The following FARS2 variants were observed in gnomAD, a reference collection of about 807,000 sequenced individuals.
The protein encoded by FARS2 is phenylalanyl-tRNA synthetase 2, mitochondrial.
A neutral mutation model predicts 46.4 loss-of-function variants in FARS2; 40 were observed. The ratio of observed to expected loss-of-function variants is 0.86; its 90% CI spans 0.67 to 1.12. The LOEUF is 1.12. Among genes scored for constraint, FARS2 ranks in the 50% most tolerant of loss-of-function variants. FARS2 has a pLI of 0.00. For missense variants in FARS2, 513 were observed against 567.9 expected, an observed-to-expected ratio of 0.90 and a Z score of 0.98; for synonymous variants, 234 against 214.9, an observed-to-expected ratio of 1.09 and a Z score of -0.78.
At chr6:5,683,852 T>C (rs1476644370) in intron 6 of FARS2, among the ~76,000 whole-genome samples, 1 of 152,180 alleles carries the variant, frequency 6.6e-6, no homozygotes, top group Non-Finnish European at 1.5e-5. Flanking sequence ...TTCCCACTTA[T>C]GAGTGAGAAC....
chr6:5,449,596 T>C lies in FARS2; in HGVS notation c.904+18424T>C, dbSNP rs570190335. On this transcript the variant is annotated intron_variant, in intron 4 of 6. Transcript: ENST00000274680. ...ACTTATTCATTCATTGTTCATGCAT[T>C]CATTCATTTCAATATTTGCTGAATA... 1.3e-3 allele frequency among the ~76,000 whole-genome samples: 200 copies of C among 152,306 alleles called. 2 individuals are homozygous for C. Among genetic ancestry groups the C allele is most frequent in the Non-Finnish European group, 2.5e-4 (17 of 68,036 alleles).
At chr6:5,741,976 C>T (rs1761373584) in intron 6 of FARS2, among the ~76,000 whole-genome samples, 1 of 152,198 alleles carries the variant, frequency 6.6e-6, no homozygotes, top group Admixed American at 6.5e-5. Context: ...GTTATCAGGG[C>T]CTCTGTGTCA....
At chr6:5,505,217 C>T (rs573463879) in intron 4 of FARS2, among the ~76,000 whole-genome samples, 72 of 152,194 alleles carry the variant, frequency 4.7e-4, no homozygotes, top group African/African-American at 1.4e-3. Context: ...GAATTCAAAA[C>T]GCTGAGATTA....
chr6:5,732,341 C>A (rs1399672742), intron 6 of FARS2, among the ~76,000 whole-genome samples: 3 of 152,012 alleles, frequency 2.0e-5, no homozygotes, highest in Admixed American at 6.6e-5. Context: ...GTGTGTTCAG[C>A]CTCCTAGGGA....
At chr6:5,352,525 C>T (rs574139860) in intron 1 of FARS2, among the ~76,000 whole-genome samples, 17 of 151,774 alleles carry the variant, frequency 1.1e-4, no homozygotes, top group East Asian at 5.8e-4. Context: ...GAAGGGAGAA[C>T]GGAAGGCCTG....
At chr6:5,310,836 G>A (rs749514386) in intron 1 of FARS2, among the ~76,000 whole-genome samples, 1 of 152,228 alleles carries the variant, frequency 6.6e-6, no homozygotes, top group Admixed American at 6.5e-5. Context: ...ATAGAGAAAT[G>A]TAAGGGGTCA....
intron 2 of FARS2, among the ~76,000 whole-genome samples, chr6:5,376,821 T>C (rs1759412015): frequency 1.3e-5 from 2 of 152,204 alleles, no homozygotes; most frequent in African/African-American, 4.8e-5. Context: ...TATTTCTCTT[T>C]TTATGCACAC....
At chr6:5,638,519 C>T (rs555675675) in intron 6 of FARS2, among the ~76,000 whole-genome samples, 43 of 152,336 alleles carry the variant, frequency 2.8e-4, no homozygotes, top group African/African-American at 9.9e-4. Flanking sequence ...GAGCCAAGAT[C>T]GTGCCACTGC....
At chr6:5,512,929 T>C (rs1241002527) in intron 4 of FARS2, among the ~76,000 whole-genome samples, 2 of 152,144 alleles carry the variant, frequency 1.3e-5, no homozygotes, top group Non-Finnish European at 2.9e-5. Context: ...TAGACTGATG[T>C]CCAGTCATCA....
At chr6:5,540,727 A>T (rs1038547249) in intron 4 of FARS2, among the ~76,000 whole-genome samples, 1 of 152,208 alleles carries the variant, frequency 6.6e-6, no homozygotes, top group South Asian at 2.1e-4. Flanking sequence ...TGTAAATGTG[A>T]TAGTTGCTAA....
rs552162993 is a variant in FARS2 at position 5,261,558 on chromosome 6, T to A, written c.-124T>A. 2 of 152,520 alleles carry A rather than the reference T, an allele frequency of 1.3e-5. No individual in the cohort carries two copies. The highest frequency in any genetic ancestry group is 3.9e-4 in the East Asian group (2 of 5,176). 9.4% of individuals were successfully genotyped at this position (152,520 alleles called of 1,614,324 possible). A position where few individuals can be genotyped will look rare whatever the true frequency, so the allele number is the denominator to read the frequency against. ...TGGCAGCGCCCAGCGTGCGCGGGTATCTCTGAAGTTGGGGTTTAAGATTCT... is the reference window on the plus strand; with the variant it reads ...TGGCAGCGCCCAGCGTGCGCGGGTAACTCTGAAGTTGGGGTTTAAGATTCT... On this transcript the variant is annotated 5_prime_UTR_variant, in exon 1 of 7. The change creates a premature stop within an existing upstream ORF in the 5' untranslated region. Transcript: ENST00000274680.
At chr6:5,748,222 A>G (rs948313507) in intron 6 of FARS2, among the ~76,000 whole-genome samples, 6 of 151,696 alleles carry the variant, frequency 4.0e-5, no homozygotes, top group Admixed American at 2.6e-4. Context: ...ACCCTTTCCC[A>G]CTGGTACCTG....
In FARS2 at chr6:5,590,487, G is replaced by A. The variant is rs190679306; in HGVS notation, c.1066-22682G>A. 2.2e-4 allele frequency among the ~76,000 whole-genome samples: 33 copies of A among 152,338 alleles called. 1 individual carries two copies. Among genetic ancestry groups the A allele is most frequent in the Admixed American group, 1.6e-3 (25 of 15,304 alleles). On this transcript the variant is annotated intron_variant, in intron 5 of 6. Coordinates refer to ENST00000274680, the MANE Select transcript of FARS2 (RefSeq NM_006567.5). ...GGTGTCGTCTAGCACAGAGGTGTTC[G>A]TTGTTTGATGAGGGACAGGCTGGGA...
intron 4 of FARS2, among the ~76,000 whole-genome samples, chr6:5,470,138 G>T (rs1765731387): frequency 6.6e-6 from 1 of 152,136 alleles, no homozygotes; most frequent in African/African-American, 2.4e-5. Flanking sequence ...TGATAAAGAA[G>T]CAGAATTTCT....
chr6:5,649,877 T>G (rs1777260120), intron 6 of FARS2, among the ~76,000 whole-genome samples: 1 of 152,206 alleles, frequency 6.6e-6, no homozygotes. Flanking sequence ...CAGTAATTGT[T>G]GGTGAGTGAG....
chr6:5,252,060 G>A, the FARS2 span, among the ~76,000 whole-genome samples: 1 of 152,186 alleles, frequency 6.6e-6, no homozygotes, highest in African/African-American at 2.4e-5. Flanking sequence ...CATAGTAAGC[G>A]AGACCTGACG....
At chr6:5,588,286 A>G (rs1206346539) in intron 5 of FARS2, among the ~76,000 whole-genome samples, 3 of 152,118 alleles carry the variant, frequency 2.0e-5, no homozygotes, top group Non-Finnish European at 1.5e-5. Context: ...GGGCATTGCC[A>G]GCCTCTTCTC....
chr6:5,364,460 C>T (rs1024233488), intron 1 of FARS2, among the ~76,000 whole-genome samples: 5 of 152,168 alleles, frequency 3.3e-5, no homozygotes, highest in Admixed American at 6.5e-5. Flanking sequence ...ACATACTTCA[C>T]GTCCACATTT....
chr6:5,272,400 T>G (rs906465672), intron 1 of FARS2: 2 of 152,240 alleles, frequency 1.3e-5, no homozygotes, highest in South Asian at 4.1e-4. Context: ...AACCACTATC[T>G]TATGCGGAAA....
Sources: allele counts gnomAD v4.1 joint callset (sites outside exome capture counted in the v4.1 genomes callset), GRCh38; gene constraint gnomAD v4.1.1; transcripts MANE v1.5; gene names NCBI Gene and HGNC (gene_info 2026-07-23, HGNC 2026-07-21).